Variants in SLC24A2 observed in about 807,000 individuals in gnomAD.
SLC24A2 encodes the protein solute carrier family 24 member 2, also known as sodium/potassium/calcium exchanger 2.
Under a neutral mutation model 62.0 loss-of-function variants are expected in SLC24A2, and 36 were observed. That is an observed-to-expected ratio of 0.58 (90% CI 0.44 to 0.77). The LOEUF is 0.77. Among genes scored for constraint, SLC24A2 ranks in the 30% least tolerant of loss-of-function variants. The pLI is 0.00. For synonymous variants in SLC24A2, 358 were observed against 294.0 expected, an observed-to-expected ratio of 1.22 and a Z score of -2.23; for missense variants, 846 against 817.9, an observed-to-expected ratio of 1.03 and a Z score of -0.42.
At chr9:19,535,400 T>C (rs1833912202) in intron 8 of SLC24A2, among the ~76,000 whole-genome samples, 1 of 152,214 alleles carries the variant, frequency 6.6e-6, no homozygotes, top group South Asian at 2.1e-4. Flanking sequence ...CCATTGCTTT[T>C]CGTGTTTTAG....
the SLC24A2 span, among the ~76,000 whole-genome samples, chr9:20,305,678 G>T: frequency 6.6e-6 from 1 of 152,146 alleles, no homozygotes; most frequent in East Asian, 1.9e-4. Flanking sequence ...ATAACTCTGC[G>T]AAGTCAATAG....
chr9:19,625,375 A>C (rs1818007164), intron 2 of SLC24A2, among the ~76,000 whole-genome samples: 1 of 152,186 alleles, frequency 6.6e-6, no homozygotes, highest in Admixed American at 6.5e-5. Context: ...TGTTAAGCCA[A>C]TCTATAGTAC....
chr9:20,270,176 A>G, the SLC24A2 span, among the ~76,000 whole-genome samples: 1 of 152,150 alleles, frequency 6.6e-6, no homozygotes, highest in African/African-American at 2.4e-5. Flanking sequence ...CAACCTATTC[A>G]TAAGGGATCC....
In SLC24A2 at chr9:19,513,166, A is replaced by ATATATATT. The variant is rs1324623059; in HGVS notation, c.*2986_*2987insAATATATA. On this transcript the variant is annotated 3_prime_UTR_variant, in exon 11 of 11. Coordinates refer to ENST00000341998, the MANE Select transcript of SLC24A2 (RefSeq NM_020344.4). Reference sequence around the variant, plus strand: ...ATCTGGTATAAAGATATATATATATATATATATATGTATATATATATATAT... The same window carrying ATATATATT: ...ATCTGGTATAAAGATATATATATATATATATATTTATATATATGTATATATATATATAT... The ATATATATT allele has an allele frequency of 3.3e-5, 2 of 61,320 alleles. No homozygotes were observed. Among genetic ancestry groups the ATATATATT allele is most frequent in the African/African-American group, 1.2e-4 (2 of 16,832 alleles). The allele number at this position is 61,320 out of a possible 1,614,324, so 3.8% of individuals were successfully genotyped here.
the SLC24A2 span, among the ~76,000 whole-genome samples, chr9:20,066,625 G>A: frequency 6.6e-6 from 1 of 152,102 alleles, no homozygotes; most frequent in Non-Finnish European, 1.5e-5. Flanking sequence ...TTGCACAATG[G>A]AAGCATAAAA....
At chr9:20,122,231 C>G in the SLC24A2 span, among the ~76,000 whole-genome samples, 23 of 152,344 alleles carry the variant, frequency 1.5e-4, no homozygotes, top group South Asian at 3.7e-3. Context: ...TGCAAATGCA[C>G]TGATTACTTG....
At chr9:19,695,021 A>G (rs1820145629) in intron 2 of SLC24A2, among the ~76,000 whole-genome samples, 1 of 150,982 alleles carries the variant, frequency 6.6e-6, no homozygotes, top group Non-Finnish European at 1.5e-5. Context: ...TGGGGCAAAT[A>G]AAAAGGCCGG....
chr9:20,136,531 T>C, the SLC24A2 span, among the ~76,000 whole-genome samples: 1 of 152,206 alleles, frequency 6.6e-6, no homozygotes, highest in Non-Finnish European at 1.5e-5. Context: ...TTTACCAATT[T>C]TTCTCACAAG....
At chr9:19,835,695 A>G in the SLC24A2 span, among the ~76,000 whole-genome samples, 1 of 152,102 alleles carries the variant, frequency 6.6e-6, no homozygotes, top group Non-Finnish European at 1.5e-5. Context: ...AGGATATCCA[A>G]TGATTCAACT....
intron 2 of SLC24A2, among the ~76,000 whole-genome samples, chr9:19,757,689 A>G (rs1487985502): frequency 6.6e-6 from 1 of 152,208 alleles, no homozygotes; most frequent in Non-Finnish European, 1.5e-5. Flanking sequence ...ACATACTACT[A>G]TCATTTATTT....
At chr9:19,771,635 G>C (rs1462385652) in intron 2 of SLC24A2, among the ~76,000 whole-genome samples, 2 of 152,160 alleles carry the variant, frequency 1.3e-5, no homozygotes, top group Non-Finnish European at 2.9e-5. Flanking sequence ...CTAGAAACGA[G>C]AGCGAGGATG....
intron 2 of SLC24A2, among the ~76,000 whole-genome samples, chr9:19,666,747 T>C (rs758092883): frequency 7.9e-5 from 12 of 152,190 alleles, no homozygotes; most frequent in Non-Finnish European, 1.6e-4. Flanking sequence ...AACCATTATG[T>C]TTTTTTCAAT....
the SLC24A2 span, among the ~76,000 whole-genome samples, chr9:20,192,144 T>C: frequency 2.6e-5 from 4 of 152,054 alleles, no homozygotes; most frequent in Non-Finnish European, 5.9e-5. Context: ...GATTAGGTGG[T>C]TGAAGATGGG....
At chr9:20,087,367 A>G in the SLC24A2 span, among the ~76,000 whole-genome samples, 1 of 152,248 alleles carries the variant, frequency 6.6e-6, no homozygotes, top group South Asian at 2.1e-4. Flanking sequence ...GAACGTAAAC[A>G]GAAGCCAAGA....
chr9:20,214,174 C>T, the SLC24A2 span, among the ~76,000 whole-genome samples: 1 of 152,166 alleles, frequency 6.6e-6, no homozygotes, highest in Non-Finnish European at 1.5e-5. Context: ...TAGTCAAATT[C>T]ACAGAATCAA....
At chr9:20,202,050 G>GGTGT in the SLC24A2 span, among the ~76,000 whole-genome samples, 11,464 of 141,676 alleles carry the variant, frequency 0.081, 501 homozygotes, top group East Asian at 0.15. Flanking sequence ...CCCATTTCAT[G>GGTGT]GTGTGTGTGT....
intron 5 of SLC24A2, among the ~76,000 whole-genome samples, chr9:19,590,157 C>T (rs936946967): frequency 0.011 from 109 of 9,592 alleles, 1 homozygote; most frequent in Non-Finnish European, 0.015. Context: ...AAGAAAGAGG[C>T]TGTGGTAACA....
the SLC24A2 span, among the ~76,000 whole-genome samples, chr9:20,019,141 GAAAGAAAGAA>G: frequency 2.4e-3 from 246 of 103,632 alleles, 13 homozygotes; most frequent in African/African-American, 6.2e-3. Context: ...AAGAAAGAAA[GAAAGAAAGAA>G]AGAAAGAGAG....
At chr9:20,201,901 A>G in the SLC24A2 span, among the ~76,000 whole-genome samples, 1 of 152,166 alleles carries the variant, frequency 6.6e-6, no homozygotes, top group African/African-American at 2.4e-5. Context: ...TCATTGCTGT[A>G]CAGCCACACA....
Sources: allele counts gnomAD v4.1 joint callset (sites outside exome capture counted in the v4.1 genomes callset), GRCh38; gene constraint gnomAD v4.1.1; transcripts MANE v1.5; gene names NCBI Gene and HGNC (gene_info 2026-07-23, HGNC 2026-07-21).